Variants in FBXO34 observed in about 807,000 individuals in gnomAD.
FBXO34 encodes the protein F-box protein 34, also known as F-box only protein 34.
FBXO34 carries 12 observed loss-of-function variants against 24.5 expected under a neutral mutation model. The observed-to-expected ratio is 0.49, with a 90% CI of 0.31 to 0.79. FBXO34 has a LOEUF of 0.79. FBXO34 is among the 30% of genes least tolerant of loss of function. The probability of loss-of-function intolerance (pLI) is 0.04; values close to 1 mark genes in which losing one functional copy is unlikely to be tolerated. For synonymous variants in FBXO34, 320 were observed against 311.9 expected (o/e 1.03, Z -0.27); for missense variants, 823 against 857.7 (o/e 0.96, Z 0.51).
At chr14:55,274,939 A>T (rs1280385897) in intron 1 of FBXO34, among the ~76,000 whole-genome samples, 1 of 152,252 alleles carries the variant, frequency 6.6e-6, no homozygotes, top group Non-Finnish European at 1.5e-5. Flanking sequence ...AAAATTCAGC[A>T]AGTGCATAAT....
downstream of FBXO34, among the ~76,000 whole-genome samples, chr14:55,371,535 G>A (rs1276369287): frequency 3.9e-5 from 6 of 152,130 alleles, no homozygotes; most frequent in Admixed American, 1.3e-4. Flanking sequence ...GGCCGGGCGC[G>A]GTGGCTCACA....
intron 1 of FBXO34, among the ~76,000 whole-genome samples, chr14:55,337,366 A>G (rs1281923098): frequency 3.3e-5 from 5 of 152,220 alleles, no homozygotes; most frequent in African/African-American, 1.2e-4. Flanking sequence ...TCCGTTATAA[A>G]TTGACACCAC....
At chr14:55,346,713 G>C (rs1470951289) in intron 1 of FBXO34, among the ~76,000 whole-genome samples, 7 of 152,172 alleles carry the variant, frequency 4.6e-5, no homozygotes, top group Non-Finnish European at 7.3e-5. Context: ...TGGTTGAAGA[G>C]GGAATTTGGC....
the FBXO34 span, among the ~76,000 whole-genome samples, chr14:55,422,830 G>C: frequency 1.3e-5 from 2 of 152,084 alleles, no homozygotes; most frequent in African/African-American, 4.8e-5. Context: ...TCCAGCCTGG[G>C]CAACAGAGTG....
At chr14:55,299,456 A>G (rs1882267827) in intron 1 of FBXO34, among the ~76,000 whole-genome samples, 2 of 150,794 alleles carry the variant, frequency 1.3e-5, no homozygotes, top group South Asian at 4.2e-4. Flanking sequence ...GCTGTTTATA[A>G]TGTTGAATTT....
At chr14:55,298,782 AC>A in intron 1 of FBXO34, 1 of 1,598,846 alleles carries the variant, frequency 6.3e-7, no homozygotes. Flanking sequence ...GAGGCACGGC[AC>A]CAAAAACAAG....
At chr14:55,297,256 G>A (rs1882169985) in intron 1 of FBXO34, among the ~76,000 whole-genome samples, 3 of 152,230 alleles carry the variant, frequency 2.0e-5, no homozygotes, top group East Asian at 1.9e-4. Flanking sequence ...GAGGACTCCC[G>A]TACCCTATCT....
At chr14:55,357,754 T>C (rs1884542523), downstream of FBXO34, among the ~76,000 whole-genome samples, 2 of 152,204 alleles carry the variant, frequency 1.3e-5, no homozygotes, top group Non-Finnish European at 2.9e-5. Flanking sequence ...TTGGCTGCAG[T>C]GAGCCATGAT....
the FBXO34 span, among the ~76,000 whole-genome samples, chr14:55,402,961 ATATATAT>A: frequency 1.3e-3 from 98 of 76,740 alleles, 2 homozygotes; most frequent in Non-Finnish European, 1.9e-3. Context: ...ATATATATAT[ATATATAT>A]AAATAGCTGG....
Position 55,351,449 on chromosome 14 carries a change from A to G in FBXO34, c.1059A>G (p.Ser353=), listed in dbSNP as rs548280151. The change falls in exon 2 of 2, where the codon TCA becomes TCG. Residue 353 remains serine (S), a synonymous_variant. Coordinates refer to ENST00000313833, the MANE Select transcript of FBXO34 (RefSeq NM_017943.4). ...VGSVSVDCGP[S]RADRCSPKED... ...CTGTATCTGTGGATTGTGGCCCTTC[A>G]AGAGCTGATCGTTGTTCTCCTAAGG... is the stretch of plus-strand genomic sequence containing the variant. The G allele has an allele frequency of 6.2e-7, 1 of 1,614,182 alleles. No homozygotes were observed. The highest frequency in any genetic ancestry group is 1.7e-5 in the Admixed American group (1 of 60,026).
In FBXO34 at chr14:55,331,607, A is replaced by T. The variant is rs901825143; in HGVS notation, c.-10-18774A>T. On this transcript the variant is annotated intron_variant, in intron 1 of 1. Coordinates refer to ENST00000313833, the MANE Select transcript of FBXO34 (RefSeq NM_017943.4). ...TGGTGTGTGTGTATATATATAAAAAAATATAAAATATATAAAAATATATAT... is the reference window on the plus strand; with the variant it reads ...TGGTGTGTGTGTATATATATAAAAATATATAAAATATATAAAAATATATAT... Among the ~76,000 whole-genome samples the T allele has an allele frequency of 1.5e-4, 21 of 142,018 alleles. No individual in the cohort carries two copies. In the East Asian group the frequency reaches 1.6e-3, roughly 11 times the overall value. 93.2% of individuals were successfully genotyped at this position (142,018 alleles called of 152,430 possible).
intron 1 of FBXO34, among the ~76,000 whole-genome samples, chr14:55,273,582 T>TA (rs1377861884): frequency 2.6e-5 from 4 of 152,234 alleles, no homozygotes; most frequent in African/African-American, 9.6e-5. Context: ...GTATGAAAGA[T>TA]ACACATTTGA....
intron 1 of FBXO34, among the ~76,000 whole-genome samples, chr14:55,312,708 A>C (rs1483551290): frequency 6.6e-6 from 1 of 152,250 alleles, no homozygotes; most frequent in Non-Finnish European, 1.5e-5. Flanking sequence ...CACCCTCTGA[A>C]GTAATGGCCT....
intron 1 of FBXO34, among the ~76,000 whole-genome samples, chr14:55,312,270 C>T (rs1882770167): frequency 6.6e-6 from 1 of 152,210 alleles, no homozygotes; most frequent in Non-Finnish European, 1.5e-5. Context: ...CCAGGTCACA[C>T]TGATGCAAGA....
chr14:55,274,807 A>G (rs1470154874), intron 1 of FBXO34, among the ~76,000 whole-genome samples: 1 of 152,222 alleles, frequency 6.6e-6, no homozygotes, highest in Admixed American at 6.5e-5. Context: ...AAACATACTT[A>G]TCTTTAGAGA....
chr14:55,396,088 G>C, the FBXO34 span: 996 of 792,914 alleles, frequency 1.3e-3, 9 homozygotes, highest in African/African-American at 0.016. Context: ...GAAATGGCTA[G>C]AAATATCAAA....
At chr14:55,380,545 G>T in the FBXO34 span, 1 of 1,403,862 alleles carries the variant, frequency 7.1e-7, no homozygotes, top group Non-Finnish European at 1.0e-6. Flanking sequence ...CCATGATAAA[G>T]ATGACATTAC....
chr14:55,393,849 G>A, the FBXO34 span, among the ~76,000 whole-genome samples: 5,079 of 151,384 alleles, frequency 0.034, 235 homozygotes, highest in East Asian at 0.17. Flanking sequence ...CACACCCAGC[G>A]CAGATTTTAT....
downstream of FBXO34, chr14:55,366,788 CA>C (rs1328139717): frequency 2.0e-5 from 3 of 152,592 alleles, no homozygotes; most frequent in African/African-American, 7.2e-5. Flanking sequence ...TTTGTTTAAA[CA>C]AAATACCAGC....
Sources: allele counts gnomAD v4.1 joint callset (sites outside exome capture counted in the v4.1 genomes callset), GRCh38; gene constraint gnomAD v4.1.1; transcripts MANE v1.5; gene names NCBI Gene and HGNC (gene_info 2026-07-23, HGNC 2026-07-21).